Variants in MGA observed in about 807,000 individuals in gnomAD.
MGA encodes MAX dimerization protein MGA, also known as MAX gene-associated protein.
A neutral mutation model predicts 261.1 loss-of-function variants in MGA; 40 were observed. The observed-to-expected ratio is 0.15, with a 90% CI of 0.12 to 0.20. MGA has a LOEUF of 0.20. Among genes scored for constraint, MGA ranks in the 10% least tolerant of loss-of-function variants. The pLI, the probability that MGA is intolerant of heterozygous loss-of-function variation, is 1.00. For missense variants in MGA, 3,397 were observed against 3,630.5 expected (o/e 0.94, Z 1.65); for synonymous variants, 1,302 against 1,290.6 (o/e 1.01, Z -0.19).
chr15:41,667,357 T>G (rs1318868736), intron 1 of MGA, among the ~76,000 whole-genome samples: 1 of 151,984 alleles, frequency 6.6e-6, no homozygotes, highest in Non-Finnish European at 1.5e-5. Flanking sequence ...GCAATTCTCT[T>G]GTCTTAGCCT....
At chr15:41,746,319 T>A (rs780987886) in intron 15 of MGA, among the ~76,000 whole-genome samples, 11 of 152,082 alleles carry the variant, frequency 7.2e-5, no homozygotes, top group Non-Finnish European at 1.5e-4. Flanking sequence ...GGAGGATGGA[T>A]CACCTGAGGT....
chr15:41,692,787 C>T (rs1457421388), intron 2 of MGA, among the ~76,000 whole-genome samples: 5 of 152,194 alleles, frequency 3.3e-5, no homozygotes, highest in African/African-American at 1.2e-4. Context: ...TCTTGGCTCA[C>T]TGCAACCTCT....
chr15:41,727,510 T>C, intron 10 of MGA, 104 bp downstream of exon 10: 1 of 1,055,628 alleles, frequency 9.5e-7, no homozygotes, highest in Non-Finnish European at 1.4e-6. Flanking sequence ...TCATTTTGCT[T>C]TCAGTAATAT....
rs761526697 is a variant in MGA, at chr15:41,762,109, T to C, written c.7511-20T>C. The C allele has an allele frequency of 8.9e-6, 14 of 1,564,886 alleles. No individual in the cohort carries two copies. Among genetic ancestry groups the C allele is most frequent in the Non-Finnish European group, 1.2e-5 (14 of 1,139,542 alleles). On this transcript the variant is annotated intron_variant, in intron 21 of 23. Transcript: ENST00000219905. ...TGTGGCGTAATGCTGAAAGTGCTAA[T>C]GTATTCTGTTAACTTACAGGTAAGA...
At chr15:41,690,316 CA>C (rs2059207343) in intron 2 of MGA, among the ~76,000 whole-genome samples, 1 of 152,200 alleles carries the variant, frequency 6.6e-6, no homozygotes, top group Non-Finnish European at 1.5e-5. Flanking sequence ...GACATTACCA[CA>C]TTTTTTTTAT....
At chr15:41,746,360 G>A (rs1177179924) in intron 15 of MGA, among the ~76,000 whole-genome samples, 1 of 151,986 alleles carries the variant, frequency 6.6e-6, no homozygotes, top group Non-Finnish European at 1.5e-5. Flanking sequence ...GGCCAACATG[G>A]TGAAACCCTG....
At chr15:41,639,617 T>C (rs1023081928) in intron 1 of MGA, among the ~76,000 whole-genome samples, 2 of 151,994 alleles carry the variant, frequency 1.3e-5, no homozygotes, top group Non-Finnish European at 2.9e-5. Flanking sequence ...CAATCTCGGC[T>C]CACTGCAAGC....
chr15:41,705,225 A>G (rs141153430), intron 5 of MGA, among the ~76,000 whole-genome samples: 5 of 152,274 alleles, frequency 3.3e-5, no homozygotes, highest in Non-Finnish European at 7.4e-5. Flanking sequence ...TCAACCTCCC[A>G]AAGTGCTGGG....
chr15:41,651,365 C>G (rs966625762), intron 1 of MGA, among the ~76,000 whole-genome samples: 2 of 152,180 alleles, frequency 1.3e-5, no homozygotes, highest in African/African-American at 4.8e-5. Flanking sequence ...CTTATAAAGG[C>G]AGCCCTATCT....
At chr15:41,667,595 G>C (rs1010089770) in intron 1 of MGA, among the ~76,000 whole-genome samples, 1 of 152,016 alleles carries the variant, frequency 6.6e-6, no homozygotes, top group Non-Finnish European at 1.5e-5. Flanking sequence ...GGACAGGCTG[G>C]TCTGGGACTC....
intron 10 of MGA, among the ~76,000 whole-genome samples, chr15:41,727,915 C>A (rs1474076787): frequency 6.6e-6 from 1 of 152,184 alleles, no homozygotes; most frequent in African/African-American, 2.4e-5. Context: ...GTCTTATTAT[C>A]AAATCCATGT....
intron 15 of MGA, among the ~76,000 whole-genome samples, 174 bp from the exon 16 acceptor site, chr15:41,748,461 GAA>G (rs1169041538): frequency 6.6e-6 from 1 of 152,166 alleles, no homozygotes; most frequent in African/African-American, 2.4e-5. Flanking sequence ...TGCTGAAGTG[GAA>G]GAATCACTTG....
At chr15:41,684,383 A>ATTTTGCCTAGGTATTC (rs763472409) in intron 2 of MGA, 4 of 453,668 alleles carry the variant, frequency 8.8e-6, no homozygotes, top group South Asian at 6.2e-5. Flanking sequence ...TAATTCATTG[A>ATTTTGCCTAGGTATTC]TTTTGCCTAG....
intron 13 of MGA, among the ~76,000 whole-genome samples, chr15:41,738,688 A>G (rs2061925854): frequency 6.6e-6 from 1 of 152,226 alleles, no homozygotes. Context: ...GCAGTCAGGC[A>G]ACTGTAAACT....
Position 41,748,675 on chromosome 15 carries a change from T to G in MGA, c.5251T>G (p.Ser1751Ala). The change falls in exon 16 of 24, where the codon TCT becomes GCT. Residue 1751 changes from serine (S) to alanine (A), a missense_variant. Transcript: ENST00000219905. Reference sequence around the variant, plus strand: ...AATTCCAGTGGCTACTCCACAGGTCTCTCCTAACACAGTGAAACGTGCTGG... The same window carrying G: ...AATTCCAGTGGCTACTCCACAGGTCGCTCCTAACACAGTGAAACGTGCTGG... The G allele has an allele frequency of 6.2e-7, 1 of 1,613,540 alleles. No homozygotes were observed. The highest frequency in any genetic ancestry group is 8.5e-7 in the Non-Finnish European group (1 of 1,179,668).
At chr15:41,727,628 A>C (rs1165934967) in intron 10 of MGA, among the ~76,000 whole-genome samples, 1 of 152,212 alleles carries the variant, frequency 6.6e-6, no homozygotes, top group Non-Finnish European at 1.5e-5. Flanking sequence ...AACCATCTTC[A>C]AGAAGATCAT....
rs757381893 is a variant in MGA, at chr15:41,711,000, A to T, written c.2735A>T (p.Lys912Ile). 29 of 1,614,010 alleles carry T rather than the reference A, an allele frequency of 1.8e-5. No homozygotes were observed. The highest frequency in any genetic ancestry group is 2.3e-5 in the Non-Finnish European group (27 of 1,179,886). ...CAGGCAACTTTCAGTGGCCGAACTA[A>T]ATCATCTTATAAATCCATTTTACCA... Residue 912 changes from lysine to isoleucine, a missense_variant, in exon 8 of 24, where the codon AAA (lysine) becomes ATA (isoleucine). Lys to Ile is a moderately radical substitution (Grantham distance 102, BLOSUM62 -3). This residue lies in a region of MGA where 519 missense variants were observed against 554.1 expected (regional missense o/e 0.94). Transcript: ENST00000219905.
chr15:41,658,950 A>C (rs1242736613), upstream of MGA, among the ~76,000 whole-genome samples: 3 of 152,250 alleles, frequency 2.0e-5, no homozygotes, highest in Admixed American at 2.0e-4. Flanking sequence ...TCTTCCCCAG[A>C]AAATGGAAAA....
intron 1 of MGA, among the ~76,000 whole-genome samples, chr15:41,630,941 G>T (rs1356507257): frequency 1.3e-5 from 2 of 152,134 alleles, no homozygotes; most frequent in African/African-American, 4.8e-5. Context: ...CCAAAGTAGG[G>T]TTGATTATTT....
Sources: gnomAD v4.1 joint callset for allele counts (sites outside exome capture counted in the v4.1 genomes callset) on GRCh38, gnomAD v4.1.1 for gene constraint, gnomAD v4.1.1 regional missense constraint, MANE v1.5 for transcripts, NCBI Gene and HGNC (gene_info 2026-07-23, HGNC 2026-07-21) for gene names.